Variants in GABRR3 observed in about 807,000 individuals in gnomAD.
GABRR3 encodes gamma-aminobutyric acid receptor subunit rho-3.
GABRR3 carries 29 observed loss-of-function variants against 43.2 expected under a neutral mutation model. That is an observed-to-expected ratio of 0.67 (90% confidence interval 0.50 to 0.92). The LOEUF (loss-of-function observed/expected upper bound fraction) is 0.92, where lower values mean the gene tolerates loss of function less well. Ranked by LOEUF, GABRR3 falls within the 40% of genes least tolerant of loss-of-function variation. The probability of loss-of-function intolerance (pLI) is 0.00; values close to 1 mark genes in which losing one functional copy is unlikely to be tolerated. For missense variants in GABRR3, 576 were observed against 572.3 expected (o/e 1.01, Z -0.07); for synonymous variants, 206 against 195.9 (o/e 1.05, Z -0.43).
chr3:98,035,027 G>A (rs369269296), intron 1 of GABRR3, 38 bp from the exon 2 acceptor site: 96 of 1,594,326 alleles, frequency 6.0e-5, no homozygotes, highest in Middle Eastern at 3.3e-4. Flanking sequence ...GCAGGTGAAC[G>A]CAACCAATAC....
chr3:98,033,442 C>T (rs891112507), intron 2 of GABRR3, among the ~76,000 whole-genome samples: 1 of 151,940 alleles, frequency 6.6e-6, no homozygotes, highest in Non-Finnish European at 1.5e-5. Flanking sequence ...CCACAAAGAA[C>T]CAATGTTCTT....
chr3:98,032,284 A>C (rs753527891), intron 2 of GABRR3, among the ~76,000 whole-genome samples: 2 of 152,118 alleles, frequency 1.3e-5, no homozygotes, highest in Non-Finnish European at 2.9e-5. Context: ...AGGCTTATAT[A>C]ATTTATTTTT....
chr3:98,032,858 T>C (rs1443217009), intron 2 of GABRR3, among the ~76,000 whole-genome samples: 1 of 152,182 alleles, frequency 6.6e-6, no homozygotes, highest in Non-Finnish European at 1.5e-5. Context: ...TCTTTTGCAT[T>C]ATAGAAGAGT....
At chr3:98,010,501 G>A (rs945242288) in intron 5 of GABRR3, among the ~76,000 whole-genome samples, 1 of 152,086 alleles carries the variant, frequency 6.6e-6, no homozygotes, top group Admixed American at 6.6e-5. Flanking sequence ...AGTCTCCACC[G>A]TAAATCACAT....
chr3:98,001,727 C>T (rs1706645851), exon 8 of GABRR3: 1 of 1,613,162 alleles, frequency 6.2e-7, no homozygotes, highest in South Asian at 1.1e-5. Flanking sequence ...AGAAAACATG[C>T]CTCCTTAGCA....
chr3:98,029,334 A>G (rs912279166), intron 2 of GABRR3, among the ~76,000 whole-genome samples: 2 of 152,034 alleles, frequency 1.3e-5, no homozygotes, highest in African/African-American at 4.8e-5. Flanking sequence ...AGTGTCAGAA[A>G]CTCTACTGTA....
chr3:97,999,648 G>A (rs1263014695), intron 8 of GABRR3: 1 of 152,110 alleles, frequency 6.6e-6, no homozygotes, highest in African/African-American at 2.4e-5. Context: ...CTAGACTAGC[G>A]GAGAGTATTG....
At chr3:98,015,691 G>A (rs779886590) in intron 4 of GABRR3, among the ~76,000 whole-genome samples, 2 of 152,320 alleles carry the variant, frequency 1.3e-5, no homozygotes, top group East Asian at 3.9e-4. Flanking sequence ...ATCTAAAGAG[G>A]ATGACGGAAA....
intron 2 of GABRR3, among the ~76,000 whole-genome samples, chr3:98,033,636 T>C (rs937058119): frequency 6.6e-6 from 1 of 152,124 alleles, no homozygotes; most frequent in Non-Finnish European, 1.5e-5. Context: ...TTAAGCAGTG[T>C]CCTTTGATTT....
intron 7 of GABRR3, among the ~76,000 whole-genome samples, chr3:98,007,083 C>T (rs760980700): frequency 6.6e-6 from 1 of 151,982 alleles, no homozygotes; most frequent in African/African-American, 2.4e-5. Context: ...GAGGCACTCA[C>T]ACAACAAAGC....
chr3:97,986,976 T>C lies in GABRR3; in HGVS notation c.1111A>G (p.Arg371Gly), dbSNP rs745779200. 5.8e-6 allele frequency: 9 copies of C among 1,561,022 alleles called. No homozygotes were observed. Among genetic ancestry groups the C allele is most frequent in the East Asian group, 2.3e-5 (1 of 44,190 alleles). Residue 371 changes from arginine to glycine, a missense_variant, in exon 10 of 10, where the codon AGG becomes GGG. Physicochemically the swap from Arg to Gly is moderately radical, Grantham distance 125. Transcript: ENST00000621172. ...TGAACTGCATCAATATTGTACATCC[T>C]AGAAATCTGTCAAAAAACTTTTTTT...
chr3:97,996,856 C>T (rs538141753), intron 8 of GABRR3, among the ~76,000 whole-genome samples: 10 of 152,298 alleles, frequency 6.6e-5, no homozygotes, highest in African/African-American at 2.4e-4. Flanking sequence ...CTGCTCTTTA[C>T]CTGAAACATG....
chr3:97,995,764 A>C (rs79938465), intron 8 of GABRR3, among the ~76,000 whole-genome samples: 2,301 of 152,248 alleles, frequency 0.015, 111 homozygotes, highest in East Asian at 0.099. Context: ...CACCCCTCAA[A>C]AATACATTAA....
At chr3:98,025,607 A>G in exon 3 of GABRR3, 10 of 1,612,964 alleles carry the variant, frequency 6.2e-6, no homozygotes, top group Non-Finnish European at 7.6e-6. Flanking sequence ...TGTCCTCTAT[A>G]TGGAGAAGTT....
In GABRR3 at chr3:98,009,112, C is replaced by A; in HGVS notation, c.531-74G>T. On this transcript the variant is annotated intron_variant, in intron 5 of 9. Transcript: ENST00000621172. Reference sequence around the variant, plus strand: ...GCCAAATGAGCATGCAACATTGAAGCTTTCTTACTGTTTGCTGGTTCTGTG... The same window carrying A: ...GCCAAATGAGCATGCAACATTGAAGATTTCTTACTGTTTGCTGGTTCTGTG... 6 of 918,670 alleles carry A rather than the reference C, an allele frequency of 6.5e-6. 1 individual carries two copies. In the South Asian group the frequency reaches 8.8e-5, roughly 13 times the overall value. The allele number at this position is 918,670 out of a possible 1,614,324, so 56.9% of individuals were successfully genotyped here.
At chr3:97,992,930 G>A in exon 9 of GABRR3, 1 of 1,613,636 alleles carries the variant, frequency 6.2e-7, no homozygotes, top group Non-Finnish European at 8.5e-7. Context: ...TGACTGACAG[G>A]AACACAAAGA....
intron 9 of GABRR3, among the ~76,000 whole-genome samples, chr3:97,989,472 G>C (rs1706434487): frequency 6.6e-6 from 1 of 151,352 alleles, no homozygotes; most frequent in Non-Finnish European, 1.5e-5. Context: ...GTGGTGGATG[G>C]TGGTAGAGGG....
At chr3:98,009,091 A>G in intron 5 of GABRR3, 53 bp from the exon 6 acceptor site, 1 of 1,149,018 alleles carries the variant, frequency 8.7e-7, no homozygotes, top group Non-Finnish European at 1.3e-6. Context: ...CATCTGGCCA[A>G]ATGAGCATGC....
chr3:98,014,296 G>A (rs553433311), intron 4 of GABRR3, among the ~76,000 whole-genome samples: 80 of 152,228 alleles, frequency 5.3e-4, no homozygotes, highest in African/African-American at 1.6e-3. Context: ...TGAATAATAC[G>A]CCAGGAGAGG....
Sources: allele counts gnomAD v4.1 joint callset (sites outside exome capture counted in the v4.1 genomes callset), GRCh38; gene constraint gnomAD v4.1.1; transcripts MANE v1.5; gene names NCBI Gene and HGNC (gene_info 2026-07-23, HGNC 2026-07-21).